Variants in SYN3 observed in about 807,000 individuals in gnomAD.
SYN3 encodes the protein synapsin-3.
SYN3 carries 35 observed loss-of-function variants against 65.8 expected under a neutral mutation model. The observed-to-expected ratio is 0.53, with a 90% CI of 0.41 to 0.70. The LOEUF is 0.70. Among genes scored for constraint, SYN3 ranks in the 30% least tolerant of loss-of-function variants. The pLI is 0.00. For missense variants in SYN3, 680 were observed against 749.0 expected, an observed-to-expected ratio of 0.91 and a Z score of 1.08; for synonymous variants, 270 against 292.9, an observed-to-expected ratio of 0.92 and a Z score of 0.80.
intron 7 of SYN3, among the ~76,000 whole-genome samples, chr22:32,574,083 TTTTTTA>T (rs1213211823): frequency 2.6e-5 from 4 of 151,660 alleles, no homozygotes; most frequent in Non-Finnish European, 4.4e-5. Flanking sequence ...TGGCTGGGGT[TTTTTTA>T]TTTTTAAGTT....
Position 32,847,597 on chromosome 22 carries a change from T to G in SYN3, c.711+17318A>C, listed in dbSNP as rs535488702. ...GTATGGATGAGGAATCAGTTCTTAG[T>G]AAAGATTTTTTAAAAACAGAGATTA... On this transcript the variant is annotated intron_variant, in intron 6 of 13. Transcript: ENST00000358763. Among the ~76,000 whole-genome samples, 54 of 152,264 alleles carry G rather than the reference T, an allele frequency of 3.5e-4. 1 individual carries two copies. Among genetic ancestry groups the G allele is most frequent in the African/African-American group, 1.3e-3 (53 of 41,562 alleles).
rs547788909 is a variant in SYN3, at chr22:33,028,823, G to A, written c.-162-21999C>T. On this transcript the variant is annotated intron_variant, in intron 1 of 13. Transcript: ENST00000358763. Reference sequence around the variant, plus strand: ...TGGGAGGCCAAGGCGGGTGGATCACGAGGTCAGGAGATCGAGACCATCCTG... The same window carrying A: ...TGGGAGGCCAAGGCGGGTGGATCACAAGGTCAGGAGATCGAGACCATCCTG... 1.8e-3 allele frequency among the ~76,000 whole-genome samples: 269 copies of A among 152,088 alleles called. 1 individual carries two copies. The highest frequency in any genetic ancestry group is 0.014 in the Middle Eastern group (4 of 294).
intron 3 of SYN3, among the ~76,000 whole-genome samples, chr22:32,970,999 A>G (rs1422610948): frequency 6.6e-6 from 1 of 152,140 alleles, no homozygotes; most frequent in Non-Finnish European, 1.5e-5. Flanking sequence ...CAATTTATTT[A>G]AGCTCTCTGG....
intron 2 of SYN3, among the ~76,000 whole-genome samples, chr22:32,983,720 A>T (rs2052437842): frequency 6.6e-6 from 1 of 152,212 alleles, no homozygotes; most frequent in South Asian, 2.1e-4. Flanking sequence ...CGTAATCCTT[A>T]AAGGTAGTAT....
At chr22:32,979,646 G>A (rs2052313856) in intron 3 of SYN3, among the ~76,000 whole-genome samples, 1 of 152,162 alleles carries the variant, frequency 6.6e-6, no homozygotes, top group Non-Finnish European at 1.5e-5. Flanking sequence ...AGTAGGAAGA[G>A]GATAAAGAAT....
At chr22:32,738,923 C>T (rs2061366889) in intron 6 of SYN3, among the ~76,000 whole-genome samples, 1 of 152,218 alleles carries the variant, frequency 6.6e-6, no homozygotes, top group South Asian at 2.1e-4. Flanking sequence ...GGAGCCCACT[C>T]ACCTGCAGAT....
intron 6 of SYN3, among the ~76,000 whole-genome samples, chr22:32,739,122 C>G (rs1392006804): frequency 6.6e-6 from 1 of 151,598 alleles, no homozygotes; most frequent in Non-Finnish European, 1.5e-5. Context: ...ATTATAGATC[C>G]CATAATTCCC....
At chr22:33,043,751 C>G (rs76967138) in intron 1 of SYN3, among the ~76,000 whole-genome samples, 9,697 of 151,626 alleles carry the variant, frequency 0.064, 819 homozygotes, top group African/African-American at 0.19. Flanking sequence ...GTGAATTAAG[C>G]CACATAAAGT....
intron 13 of SYN3, among the ~76,000 whole-genome samples, chr22:32,516,744 G>C (rs913743892): frequency 2.0e-5 from 3 of 152,228 alleles, no homozygotes; most frequent in African/African-American, 7.2e-5. Context: ...CCCTGGACTG[G>C]ATGTCGTGGG....
chr22:32,668,566 A>C (rs1286375306), intron 6 of SYN3, among the ~76,000 whole-genome samples: 18 of 136,228 alleles, frequency 1.3e-4, no homozygotes, highest in South Asian at 7.1e-4. Context: ...TCCTTCCTCC[A>C]CTCCTGCCTT....
At chr22:32,759,030 C>T (rs1036702793) in intron 6 of SYN3, among the ~76,000 whole-genome samples, 29 of 151,908 alleles carry the variant, frequency 1.9e-4, no homozygotes, top group Non-Finnish European at 3.7e-4. Flanking sequence ...TTAACCACAT[C>T]ATTAAGATTT....
chr22:32,537,361 G>A (rs2058182968), intron 9 of SYN3, among the ~76,000 whole-genome samples: 2 of 152,088 alleles, frequency 1.3e-5, no homozygotes, highest in African/African-American at 2.4e-5. Context: ...GTTTCACCAT[G>A]TTGGCCAGGC....
chr22:33,010,231 CCAA>C (rs2053316655), intron 1 of SYN3, among the ~76,000 whole-genome samples: 1 of 138,620 alleles, frequency 7.2e-6, no homozygotes, highest in East Asian at 2.0e-4. Flanking sequence ...AAACTCTGTC[CCAA>C]AAAAAAAAAA....
At chr22:32,522,371 T>C (rs533707090) in intron 12 of SYN3, among the ~76,000 whole-genome samples, 27 of 152,306 alleles carry the variant, frequency 1.8e-4, no homozygotes, top group African/African-American at 6.0e-4. Flanking sequence ...TCAAGCATGT[T>C]TTACTCTGGG....
intron 3 of SYN3, among the ~76,000 whole-genome samples, chr22:32,955,337 G>T (rs1169539137): frequency 6.6e-6 from 1 of 152,116 alleles, no homozygotes; most frequent in Non-Finnish European, 1.5e-5. Context: ...AAGTGATGGA[G>T]AAGTGTGCAT....
At chr22:32,634,937 T>A (rs2059794551) in intron 6 of SYN3, among the ~76,000 whole-genome samples, 1 of 148,180 alleles carries the variant, frequency 6.7e-6, no homozygotes, top group African/African-American at 2.5e-5. Context: ...TTTTGCAACT[T>A]TTTTTTTTTT....
Position 33,006,492 on chromosome 22 carries a change from G to A in SYN3, c.171C>T (p.Ser57=), listed in dbSNP as rs1332710769. The change falls in exon 2 of 14, where the codon TCC becomes TCT. Residue 57 remains serine (S), a synonymous_variant. Coordinates refer to ENST00000358763, the MANE Select transcript of SYN3 (RefSeq NM_003490.4). ...PLAASFSSPG[S]SLFSSLSSAM... ...CACTGGAGAGGGAGCTAAAAAGGCT[G>A]GATCCTGGAGAGGAGAAGGAGGCAG... 5 of 1,614,082 alleles carry A rather than the reference G, an allele frequency of 3.1e-6. No homozygotes were observed. The South Asian group carries it at 5.5e-5, about 18-fold the overall frequency.
At chr22:32,848,925 GA>G (rs1211996033) in intron 6 of SYN3, among the ~76,000 whole-genome samples, 1 of 152,184 alleles carries the variant, frequency 6.6e-6, no homozygotes, top group Admixed American at 6.5e-5. Context: ...GGCTCAATCA[GA>G]ATGCTAACTG....
rs1013338191 is a variant in SYN3 at position 32,985,543 on chromosome 22, C to T, written c.312-4841G>A. Among the ~76,000 whole-genome samples, 7 of 152,174 alleles carry T rather than the reference C, an allele frequency of 4.6e-5. 1 individual carries two copies. The highest frequency in any genetic ancestry group is 3.3e-4 in the Admixed American group (5 of 15,284). On this transcript the variant is annotated intron_variant, in intron 2 of 13. Transcript: ENST00000358763. Reference sequence around the variant, plus strand: ...GTGGTAGGGCAGGGATTGCTCCCAACGTGTTCCAGATGGAGAAGTCTCTGC... The same window carrying T: ...GTGGTAGGGCAGGGATTGCTCCCAATGTGTTCCAGATGGAGAAGTCTCTGC...
Sources: gnomAD v4.1 joint callset for allele counts (sites outside exome capture counted in the v4.1 genomes callset) on GRCh38, gnomAD v4.1.1 for gene constraint, MANE v1.5 for transcripts, NCBI Gene and HGNC (gene_info 2026-07-23, HGNC 2026-07-21) for gene names.